Variants in CD96 observed in about 807,000 individuals in gnomAD.
The protein encoded by CD96 is T-cell surface protein tactile.
In CD96, 70 loss-of-function variants were observed where a neutral mutation model predicts 71.3. The observed-to-expected ratio is 0.98, with a 90% CI of 0.81 to 1.20. CD96 has a LOEUF of 1.20. Among genes scored for constraint, CD96 ranks in the 50% most tolerant of loss-of-function variants. The pLI, the probability that CD96 is intolerant of heterozygous loss-of-function variation, is 0.00. For missense variants in CD96, 742 were observed against 677.5 expected, an observed-to-expected ratio of 1.10 and a Z score of -1.06; for synonymous variants, 248 against 233.0, an observed-to-expected ratio of 1.06 and a Z score of -0.59.
At chr3:111,577,191 T>C (rs959037603) in intron 3 of CD96, among the ~76,000 whole-genome samples, 1 of 152,228 alleles carries the variant, frequency 6.6e-6, no homozygotes, top group African/African-American at 2.4e-5. Flanking sequence ...ATGTAACTGC[T>C]CTTTTTCCCA....
chr3:111,632,633 A>G (rs910394057), intron 10 of CD96, among the ~76,000 whole-genome samples: 16 of 152,214 alleles, frequency 1.1e-4, no homozygotes, highest in Non-Finnish European at 2.2e-4. Flanking sequence ...TACCCAAAGG[A>G]ATATAAATCA....
chr3:111,570,893 T>C, intron 3 of CD96: 2 of 1,601,900 alleles, frequency 1.2e-6, no homozygotes, highest in Non-Finnish European at 1.7e-6. Flanking sequence ...GCTCATGGTA[T>C]CGAGGCATTT....
At chr3:111,606,831 G>A (rs764102508) in intron 8 of CD96, 39 bp downstream of exon 8, 2 of 1,149,850 alleles carry the variant, frequency 1.7e-6, no homozygotes, top group Non-Finnish European at 2.6e-6. Flanking sequence ...ATTTAACCAA[G>A]CAGATTGATA....
chr3:111,612,991 CCAATGCTTTT>C (rs1353790853), intron 8 of CD96: 1 of 166,834 alleles, frequency 6.0e-6, no homozygotes, highest in Non-Finnish European at 1.2e-5. Flanking sequence ...ATACAAAACT[CCAATGCTTTT>C]CCTTGAATCC....
intron 8 of CD96, among the ~76,000 whole-genome samples, chr3:111,608,463 G>T (rs937477034): frequency 9.9e-5 from 15 of 152,242 alleles, no homozygotes; most frequent in African/African-American, 3.6e-4. Flanking sequence ...ATTTAGAAGT[G>T]TCTGTAAATA....
chr3:111,600,698 T>C (rs1433226360), intron 6 of CD96, 28 bp from the exon 7 acceptor site: 1 of 1,518,334 alleles, frequency 6.6e-7, no homozygotes, highest in Admixed American at 1.7e-5. Context: ...AATGTTAGTG[T>C]TGAACCATGT....
At chr3:111,655,290 G>A (rs553846604), downstream of CD96, among the ~76,000 whole-genome samples, 15 of 152,118 alleles carry the variant, frequency 9.9e-5, no homozygotes, top group East Asian at 1.9e-3. Context: ...ACCTCTTTTC[G>A]ATGGCCAGTT....
At chr3:111,635,150 T>C (rs1285386727) in intron 10 of CD96, 1 of 153,294 alleles carries the variant, frequency 6.5e-6, no homozygotes, top group Non-Finnish European at 1.5e-5. Flanking sequence ...GATACCAGAA[T>C]TGTTCATCTC....
chr3:111,542,456 C>T (rs1006267130), intron 1 of CD96, 147 bp downstream of exon 1: 26 of 708,400 alleles, frequency 3.7e-5, no homozygotes, highest in African/African-American at 2.3e-4. Flanking sequence ...TGTATTTAAG[C>T]GGCAGGTATA....
At chr3:111,617,854 G>A (rs1367214104) in intron 8 of CD96, among the ~76,000 whole-genome samples, 1 of 152,250 alleles carries the variant, frequency 6.6e-6, no homozygotes, top group Non-Finnish European at 1.5e-5. Context: ...GAGAAGAGCT[G>A]TGGCCCTTCA....
rs772571996 is a variant in CD96, at chr3:111,579,031, A to G, written c.548A>G (p.Asp183Gly). The G allele has an allele frequency of 3.2e-6, 5 of 1,578,434 alleles. No individual in the cohort carries two copies. In the South Asian group the frequency reaches 5.5e-5, roughly 17 times the overall value. Residue 183 changes from aspartate (D) to glycine (G), a missense_variant, in exon 4 of 14, where the codon GAT becomes GGT. Coordinates refer to ENST00000352690, the MANE Select transcript of CD96 (RefSeq NM_005816.5). ...SEFTYAWSVE[D>G]NGTQETLISQ... is the part of the protein sequence containing the mutation. ...GGTAACAATTTTTCTCACCAGGAGGATAATGGAACTCAGGAAACACTTATC... is the reference window on the plus strand; with the variant it reads ...GGTAACAATTTTTCTCACCAGGAGGGTAATGGAACTCAGGAAACACTTATC...
intron 7 of CD96, among the ~76,000 whole-genome samples, chr3:111,602,516 A>G (rs780238709): frequency 6.6e-6 from 1 of 152,176 alleles, no homozygotes; most frequent in African/African-American, 2.4e-5. Context: ...TTAGGAGTTC[A>G]GTTTCTCAAA....
chr3:111,631,577 A>G (rs1939064423), intron 10 of CD96, among the ~76,000 whole-genome samples: 1 of 152,194 alleles, frequency 6.6e-6, no homozygotes, highest in Non-Finnish European at 1.5e-5. Context: ...AAAGCAATTT[A>G]TAGATTCAAT....
intron 5 of CD96, chr3:111,594,189 C>G (rs763203398): frequency 6.3e-7 from 1 of 1,594,130 alleles, no homozygotes; most frequent in South Asian, 1.1e-5. Flanking sequence ...TCCTCGTCTT[C>G]CCGCCTCATC....
intron 2 of CD96, among the ~76,000 whole-genome samples, chr3:111,546,219 G>A (rs1934389395): frequency 6.6e-6 from 1 of 152,008 alleles, no homozygotes; most frequent in Non-Finnish European, 1.5e-5. Context: ...AGGAAGGAGA[G>A]AAAGAAGTTA....
chr3:111,579,050 A>C lies in CD96; in HGVS notation c.567A>C (p.Thr189=). Residue 189 remains threonine, a synonymous_variant, in exon 4 of 14, where the codon ACA becomes ACC. Transcript: ENST00000352690. ...WSVEDNGTQE[T]LISQNHLISN... ...AGGAGGATAATGGAACTCAGGAAACACTTATCTCCCAAAATCACCTCATCA... is the reference window on the plus strand; with the variant it reads ...AGGAGGATAATGGAACTCAGGAAACCCTTATCTCCCAAAATCACCTCATCA... 1 of 1,606,322 alleles carries C rather than the reference A, an allele frequency of 6.2e-7. No individual in the cohort carries two copies. Among genetic ancestry groups the C allele is most frequent in the East Asian group, 2.2e-5 (1 of 44,864 alleles).
chr3:111,585,564 T>C (rs1315206616), intron 5 of CD96, among the ~76,000 whole-genome samples, 186 bp downstream of exon 5: 1 of 152,174 alleles, frequency 6.6e-6, no homozygotes, highest in Admixed American at 6.5e-5. Flanking sequence ...CTTTTAGACT[T>C]AGGGCTCTCA....
At chr3:111,594,424 G>A (rs1030161627) in intron 5 of CD96, 6 of 491,242 alleles carry the variant, frequency 1.2e-5, no homozygotes, top group Admixed American at 1.1e-4. Context: ...GCCCAAGAGT[G>A]CATTCCTTCC....
chr3:111,623,737 T>C lies in CD96; in HGVS notation c.1181-17T>C. On this transcript the variant is annotated splice_polypyrimidine_tract_variant and intron_variant, in intron 8 of 13. Transcript: ENST00000352690. The stretch of plus-strand genomic sequence containing the variant: ...GTAAATACATATAATAATTTGGGAA[T>C]TTTATTTTCAAAATAGGATATCCAG... 6.4e-7 allele frequency: 1 copy of C among 1,567,304 alleles called. No individual in the cohort carries two copies. The highest frequency in any genetic ancestry group is 1.1e-5 in the South Asian group (1 of 90,088).
Sources: gnomAD v4.1 joint callset for allele counts (sites outside exome capture counted in the v4.1 genomes callset) on GRCh38, gnomAD v4.1.1 for gene constraint, MANE v1.5 for transcripts, NCBI Gene and HGNC (gene_info 2026-07-23, HGNC 2026-07-21) for gene names.